The following DTD1 variants were observed in gnomAD, a reference collection of about 807,000 sequenced individuals.
The protein encoded by DTD1 is D-aminoacyl-tRNA deacylase 1, also known as D-tyrosyl-tRNA deacylase 1 homolog.
DTD1 carries 13 observed loss-of-function variants against 25.6 expected under a neutral mutation model. The ratio of observed to expected loss-of-function variants is 0.51; its 90% confidence interval spans 0.33 to 0.81. DTD1 has a LOEUF of 0.81. DTD1 is among the 30% of genes least tolerant of loss of function. The pLI, the probability that DTD1 is intolerant of heterozygous loss-of-function variation, is 0.02. For synonymous variants in DTD1, 110 were observed against 103.6 expected, an observed-to-expected ratio of 1.06 and a Z score of -0.37; for missense variants, 193 against 266.4, an observed-to-expected ratio of 0.72 and a Z score of 1.92.
At position 18,763,370 on chromosome 20, in the gene DTD1, T is replaced by C. The variant is rs565789611; in HGVS notation, c.*30T>C. The stretch of plus-strand genomic sequence containing the variant: ...CTTTGGTCTTTTTAGTGTGTTATCA[T>C]TGGGCAGAACTGGATCCTGAAAAAT... On this transcript the variant is annotated 3_prime_UTR_variant, in exon 6 of 6. Transcript: ENST00000377452. The C allele has an allele frequency of 3.3e-5, 5 of 152,668 alleles. No homozygotes were observed. Among genetic ancestry groups the C allele is most frequent in the Admixed American group, 6.5e-5 (1 of 15,274 alleles). The allele number at this position is 152,668 out of a possible 1,614,324, so 9.5% of individuals were successfully genotyped here.
chr20:18,724,787 C>G (rs969052915), intron 4 of DTD1, among the ~76,000 whole-genome samples: 1 of 152,236 alleles, frequency 6.6e-6, no homozygotes, highest in Admixed American at 6.5e-5. Flanking sequence ...TTTTTCACTT[C>G]CAAATAAATG....
At chr20:18,671,558 G>A (rs2060951187) in intron 4 of DTD1, among the ~76,000 whole-genome samples, 2 of 152,184 alleles carry the variant, frequency 1.3e-5, no homozygotes, top group African/African-American at 4.8e-5. Flanking sequence ...ATTGCATAAA[G>A]CATTAAAAAC....
chr20:18,703,869 T>C (rs556200149), intron 4 of DTD1, among the ~76,000 whole-genome samples: 122 of 152,304 alleles, frequency 8.0e-4, no homozygotes, highest in African/African-American at 2.8e-3. Context: ...GAGTCAGTTC[T>C]GTTTATTCTA....
chr20:18,715,749 A>G (rs2061177734), intron 4 of DTD1, among the ~76,000 whole-genome samples: 2 of 152,342 alleles, frequency 1.3e-5, no homozygotes, highest in South Asian at 4.1e-4. Flanking sequence ...TTGGACTCAC[A>G]TGGAAACATT....
intron 4 of DTD1, chr20:18,632,245 T>C (rs1194488297): frequency 5.1e-6 from 5 of 985,436 alleles, no homozygotes; most frequent in Non-Finnish European, 6.0e-6. Context: ...AAAAAGACTT[T>C]TAGTTATTTC....
At chr20:18,592,819 A>G (rs2060595197) in intron 1 of DTD1, among the ~76,000 whole-genome samples, 1 of 151,892 alleles carries the variant, frequency 6.6e-6, no homozygotes, top group Admixed American at 6.6e-5. Flanking sequence ...AGTAGCTGGG[A>G]TTACAGGCGC....
At chr20:18,680,625 T>C (rs1600363499) in intron 4 of DTD1, among the ~76,000 whole-genome samples, 1 of 152,094 alleles carries the variant, frequency 6.6e-6, no homozygotes, top group South Asian at 2.1e-4. Flanking sequence ...TATCGCTGCC[T>C]CTGGAGTGTG....
chr20:18,737,572 C>G (rs1032600108), intron 4 of DTD1, among the ~76,000 whole-genome samples: 6 of 152,336 alleles, frequency 3.9e-5, no homozygotes, highest in East Asian at 3.9e-4. Context: ...TCAGACTCTG[C>G]TCCCTCACTC....
chr20:18,739,536 C>A (rs920296059), intron 4 of DTD1, among the ~76,000 whole-genome samples: 9 of 152,190 alleles, frequency 5.9e-5, no homozygotes, highest in Admixed American at 3.9e-4. Flanking sequence ...ACAATGTGGG[C>A]TTTCTTGCCA....
chr20:18,638,539 G>T (rs1221377766), intron 4 of DTD1, among the ~76,000 whole-genome samples: 1 of 152,144 alleles, frequency 6.6e-6, no homozygotes, highest in Non-Finnish European at 1.5e-5. Flanking sequence ...CAGACAGAGG[G>T]GTCAGCAGAT....
intron 5 of DTD1, among the ~76,000 whole-genome samples, chr20:18,756,333 G>T (rs901142705): frequency 6.6e-5 from 10 of 152,150 alleles, no homozygotes; most frequent in Non-Finnish European, 1.0e-4. Flanking sequence ...TTTTAGACAT[G>T]AAGTCCTTGC....
chr20:18,617,912 ATC>A (rs1422363382), intron 3 of DTD1, among the ~76,000 whole-genome samples: 1 of 152,042 alleles, frequency 6.6e-6, no homozygotes, highest in Non-Finnish European at 1.5e-5. Flanking sequence ...AACAAATTAA[ATC>A]TCTCTTTTTA....
intron 4 of DTD1, among the ~76,000 whole-genome samples, chr20:18,711,229 C>G (rs1284804672): frequency 6.6e-6 from 1 of 152,198 alleles, no homozygotes; most frequent in African/African-American, 2.4e-5. Context: ...GCTGGATGCT[C>G]CAGGGGCCTT....
chr20:18,708,171 G>T lies in DTD1; in HGVS notation c.478-35929G>T, dbSNP rs6081316. Among the ~76,000 whole-genome samples the T allele has an allele frequency of 2.0e-3, 176 of 85,864 alleles. 13 individuals carry two copies. The highest frequency in any genetic ancestry group is 6.2e-3 in the African/African-American group (133 of 21,470). 56.3% of individuals were successfully genotyped at this position (85,864 alleles called of 152,430 possible). On this transcript the variant is annotated intron_variant, in intron 4 of 5. Coordinates refer to ENST00000377452, the MANE Select transcript of DTD1 (RefSeq NM_080820.6). ...TAATTATTAACATGTGTGTGTGTGT[G>T]TATATATATATTTTATATATATATT...
intron 4 of DTD1, among the ~76,000 whole-genome samples, chr20:18,651,605 G>A (rs920231212): frequency 6.6e-6 from 1 of 152,184 alleles, no homozygotes; most frequent in Non-Finnish European, 1.5e-5. Flanking sequence ...TCTTGCTCCT[G>A]GCCAGCGTTA....
intron 4 of DTD1, among the ~76,000 whole-genome samples, chr20:18,634,356 T>G (rs1326846915): frequency 6.6e-6 from 1 of 152,230 alleles, no homozygotes; most frequent in Non-Finnish European, 1.5e-5. Context: ...CCCTGGGGCC[T>G]AGGGCCCACT....
At position 18,765,843 on chromosome 20, in the gene DTD1, T is replaced by C. The variant is rs940964123; in HGVS notation, c.*2503T>C. On this transcript the variant is annotated 3_prime_UTR_variant, in exon 6 of 6. Transcript: ENST00000377452. The stretch of plus-strand genomic sequence containing the variant: ...TATAAAGCATACTGCTTATTGTCCA[T>C]TAAAACATCATTTGAATGAGGATGG... The C allele has an allele frequency of 3.3e-5, 5 of 152,234 alleles. No homozygotes were observed. Among genetic ancestry groups the C allele is most frequent in the African/African-American group, 1.2e-4 (5 of 41,442 alleles). The allele number at this position is 152,234 out of a possible 1,614,324, so 9.4% of individuals were successfully genotyped here. A position where few individuals can be genotyped will look rare whatever the true frequency, so the allele number is the denominator to read the frequency against.
At chr20:18,757,808 C>T (rs2061345372) in intron 5 of DTD1, among the ~76,000 whole-genome samples, 2 of 152,264 alleles carry the variant, frequency 1.3e-5, no homozygotes, top group Non-Finnish European at 2.9e-5. Flanking sequence ...GGAGGATTCC[C>T]TCTTTTTCTA....
Position 18,725,987 on chromosome 20 carries a change from G to A in DTD1, c.478-18113G>A, listed in dbSNP as rs563210632. ...TGCTCCCTCCAGGCAGCTGGGTACT[G>A]TGGTCAGTTCTAGACAACTGGCATC... is the stretch of plus-strand genomic sequence containing the variant. On this transcript the variant is annotated intron_variant, in intron 4 of 5. Transcript: ENST00000377452. 2.6e-5 allele frequency among the ~76,000 whole-genome samples: 4 copies of A among 152,340 alleles called. No individual in the cohort carries two copies. The East Asian group carries it at 7.7e-4, about 29-fold the overall frequency.
Sources: allele counts gnomAD v4.1 joint callset (sites outside exome capture counted in the v4.1 genomes callset), GRCh38; gene constraint gnomAD v4.1.1; transcripts MANE v1.5; gene names NCBI Gene and HGNC (gene_info 2026-07-23, HGNC 2026-07-21).